Variants in STRN observed in about 807,000 individuals in gnomAD.
STRN encodes striatin, also known as protein phosphatase 2 regulatory subunit B'''alpha.
Under a neutral mutation model 96.3 loss-of-function variants are expected in STRN, and 53 were observed. That is an observed-to-expected ratio of 0.55 (90% CI 0.44 to 0.69). The LOEUF (loss-of-function observed/expected upper bound fraction) is 0.69, where lower values mean the gene tolerates loss of function less well. Ranked by LOEUF, STRN falls within the 30% of genes least tolerant of loss-of-function variation. STRN has a pLI of 0.00. For missense variants in STRN, 987 were observed against 963.9 expected (o/e 1.02, Z -0.32); for synonymous variants, 428 against 355.9 (o/e 1.20, Z -2.28).
chr2:36,878,655 T>C (rs1572642367), intron 9 of STRN, among the ~76,000 whole-genome samples: 1 of 152,206 alleles, frequency 6.6e-6, no homozygotes, highest in Admixed American at 6.5e-5. Flanking sequence ...TAATTCTATC[T>C]TGATGACAAT....
In STRN at chr2:36,838,720, G is replaced by C. The variant is rs1338221162; in HGVS notation, c.*10736C>G. On this transcript the variant is annotated 3_prime_UTR_variant, in exon 18 of 18. Coordinates refer to ENST00000263918, the MANE Select transcript of STRN (RefSeq NM_003162.4). ...CTCAATGCAGCAATCCTACTCCAGGGAATCTATTCCGCAGACGTAAAACCA... is the reference window on the plus strand; with the variant it reads ...CTCAATGCAGCAATCCTACTCCAGGCAATCTATTCCGCAGACGTAAAACCA... Among the ~76,000 whole-genome samples the C allele has an allele frequency of 6.6e-6, 1 of 152,054 alleles. No homozygotes were observed. The highest frequency in any genetic ancestry group is 1.5e-5 in the Non-Finnish European group (1 of 68,008).
At position 36,900,182 on chromosome 2, in the gene STRN, A is replaced by G. The variant is rs115726554; in HGVS notation, c.660-524T>C. On this transcript the variant is annotated intron_variant, in intron 5 of 17. Coordinates refer to ENST00000263918, the MANE Select transcript of STRN (RefSeq NM_003162.4). ...AGTGCTGGGATTATAGGCGTGAGCC[A>G]CTCGTATCTATTTAGATTAGTGGTA... Among the ~76,000 whole-genome samples the G allele has an allele frequency of 2.9e-3, 440 of 152,134 alleles. 2 individuals carry two copies. Among genetic ancestry groups the G allele is most frequent in the Non-Finnish European group, 3.7e-3 (250 of 68,002 alleles).
At chr2:36,912,896 T>G (rs1669999981) in intron 3 of STRN, among the ~76,000 whole-genome samples, 1 of 152,136 alleles carries the variant, frequency 6.6e-6, no homozygotes, top group Non-Finnish European at 1.5e-5. Context: ...CTCATCCTTT[T>G]TTCACCCCCT....
At chr2:36,865,360 CTCTT>C (rs1415759231) in intron 12 of STRN, among the ~76,000 whole-genome samples, 3 of 152,032 alleles carry the variant, frequency 2.0e-5, no homozygotes, top group Non-Finnish European at 2.9e-5. Flanking sequence ...TTTGGATCTT[CTCTT>C]TTTTTCTTTA....
At chr2:36,957,434 A>G (rs1664915559) in intron 1 of STRN, among the ~76,000 whole-genome samples, 1 of 152,106 alleles carries the variant, frequency 6.6e-6, no homozygotes, top group Non-Finnish European at 1.5e-5. Context: ...CTAAAAATAC[A>G]AAAATTAGCC....
chr2:36,916,108 C>T lies in STRN; in HGVS notation c.382G>A (p.Gly128Arg). ...TCATAGCTTGGAGGCTTCATATCTC[C>T]CTGATTCAATTCTGTCCCGTATTTC... is the stretch of plus-strand genomic sequence containing the variant. ...KLKYGTELNQ[G>R]DMKPPSYDSD... The change falls in exon 3 of 18, where the codon GGA becomes AGA. Residue 128 changes from glycine to arginine, a missense_variant. Transcript: ENST00000263918. The T allele has an allele frequency of 6.2e-7, 1 of 1,613,560 alleles. No homozygotes were observed.
chr2:36,920,179 G>A lies in STRN; in HGVS notation c.339-4028C>T, dbSNP rs567646301. 5.9e-5 allele frequency among the ~76,000 whole-genome samples: 9 copies of A among 152,234 alleles called. No homozygotes were observed. In the East Asian group the frequency reaches 1.7e-3, roughly 29 times the overall value. On this transcript the variant is annotated intron_variant, in intron 2 of 17. Coordinates refer to ENST00000263918, the MANE Select transcript of STRN (RefSeq NM_003162.4). ...TTAAAACTTGGGGCTGTATATAAAA[G>A]ACATTAGTTTCTCTATGAGTATATT...
intron 1 of STRN, among the ~76,000 whole-genome samples, chr2:36,949,349 T>G (rs528988832): frequency 6.6e-6 from 1 of 152,170 alleles, no homozygotes; most frequent in Non-Finnish European, 1.5e-5. Flanking sequence ...CTCTAATATG[T>G]AGGAAATATA....
chr2:36,875,659 ATTTT>A (rs70946955), intron 10 of STRN, among the ~76,000 whole-genome samples: 2 of 142,492 alleles, frequency 1.4e-5, no homozygotes, highest in African/African-American at 2.6e-5. Flanking sequence ...AATAGAAATG[ATTTT>A]TTTTTTTTTT....
intron 1 of STRN, among the ~76,000 whole-genome samples, chr2:36,950,921 C>T (rs371286262): frequency 6.6e-6 from 1 of 152,010 alleles, no homozygotes; most frequent in Non-Finnish European, 1.5e-5. Context: ...ATAATTGAGG[C>T]ATTTATATTA....
intron 9 of STRN, among the ~76,000 whole-genome samples, chr2:36,879,250 T>C (rs1000123166): frequency 1.5e-4 from 23 of 152,184 alleles, no homozygotes; most frequent in Non-Finnish European, 2.5e-4. Context: ...TTTGTATTTT[T>C]AGTAGAGACG....
intron 15 of STRN, among the ~76,000 whole-genome samples, chr2:36,853,607 T>C (rs1299949044): frequency 1.3e-5 from 2 of 152,210 alleles, no homozygotes; most frequent in Non-Finnish European, 1.5e-5. Context: ...CCTTTGACTT[T>C]ACCACAGTCA....
At chr2:36,850,539 G>A (rs528950457) in intron 16 of STRN, among the ~76,000 whole-genome samples, 3 of 152,036 alleles carry the variant, frequency 2.0e-5, no homozygotes, top group African/African-American at 4.8e-5. Context: ...TTTTCCATCC[G>A]CAACACTAAA....
intron 10 of STRN, among the ~76,000 whole-genome samples, chr2:36,877,660 CT>C (rs58755035): frequency 0.036 from 5,466 of 152,300 alleles, 336 homozygotes; most frequent in African/African-American, 0.12. Flanking sequence ...CATAGCCCCC[CT>C]AGTAGCTGGG....
At position 36,905,470 on chromosome 2, in the gene STRN, CA is replaced by C. The variant is rs1293469021; in HGVS notation, c.491+69del. 3.7e-6 allele frequency: 5 copies of C among 1,339,216 alleles called. No individual in the cohort carries two copies. In the East Asian group the frequency reaches 9.2e-5, roughly 25 times the overall value. The allele number at this position is 1,339,216 out of a possible 1,614,324, so 83.0% of individuals were successfully genotyped here. ...AATATTCATCTGACTTGAAAATACA[CA>C]GTAAAAATAACTTCATAAAACTGTT... On this transcript the variant is annotated intron_variant, in intron 4 of 17. Transcript: ENST00000263918.
rs1668003799 is a variant in STRN, at chr2:36,843,883, T to A, written c.*5573A>T. On this transcript the variant is annotated 3_prime_UTR_variant, in exon 18 of 18. Transcript: ENST00000263918. ...TATCTTAATTAGCTTATCCATACCC[T>A]GAATTTACATAAGAAACTTCTTGCA... The A allele has an allele frequency of 6.6e-6, 1 of 152,202 alleles. No individual in the cohort carries two copies. The highest frequency in any genetic ancestry group is 2.1e-4 in the South Asian group (1 of 4,836). The allele number at this position is 152,202 out of a possible 1,614,324, so 9.4% of individuals were successfully genotyped here. A position where few individuals can be genotyped will look rare whatever the true frequency, so the allele number is the denominator to read the frequency against.
At chr2:36,872,631 CGACA>C (rs1487485707) in intron 10 of STRN, among the ~76,000 whole-genome samples, 3 of 152,104 alleles carry the variant, frequency 2.0e-5, no homozygotes, top group Admixed American at 6.5e-5. Flanking sequence ...GGAAACCGAG[CGACA>C]GACCTAACAC....
At position 36,849,462 on chromosome 2, in the gene STRN, A is replaced by G. The variant is rs749960140; in HGVS notation, c.2337T>C (p.Phe779=). ...GTGAAGATGATGCATTGCGTCATAC[A>G]AAGACTTTAGCCAGTGCGTCAGCTC... ...SAGADALAKV[F]V Residue 779 remains phenylalanine (F), a synonymous_variant, in exon 18 of 18, where the codon TTT becomes TTC. Transcript: ENST00000263918. The G allele has an allele frequency of 6.2e-6, 10 of 1,613,998 alleles. No individual in the cohort carries two copies. Among genetic ancestry groups the G allele is most frequent in the Non-Finnish European group, 8.5e-6 (10 of 1,179,918 alleles).
At position 36,878,019 on chromosome 2, in the gene STRN, A is replaced by G. The variant is rs1205708383; in HGVS notation, c.1195T>C (p.Leu399=). Residue 399 remains leucine (L), a synonymous_variant, in exon 10 of 18, where the codon TTG becomes CTG. Coordinates refer to ENST00000263918, the MANE Select transcript of STRN (RefSeq NM_003162.4). ...TTTCCAGAAGAAGGAGGAAATGTCA[A>G]TGCTTCCACTGAAGAGGGAAGACAA... The part of the protein sequence containing the change: ...EINRADEVEA[L]TFPPSSGKSF... 1.2e-6 allele frequency: 2 copies of G among 1,613,968 alleles called. No homozygotes were observed. Among genetic ancestry groups the G allele is most frequent in the East Asian group, 2.2e-5 (1 of 44,900 alleles).
Sources: gnomAD v4.1 joint callset for allele counts (sites outside exome capture counted in the v4.1 genomes callset) on GRCh38, gnomAD v4.1.1 for gene constraint, MANE v1.5 for transcripts, NCBI Gene and HGNC (gene_info 2026-07-23, HGNC 2026-07-21) for gene names.